Variants in ZNF407 observed in about 807,000 individuals in gnomAD.
ZNF407 encodes the protein zinc finger protein 407.
A neutral mutation model predicts 131.2 loss-of-function variants in ZNF407; 17 were observed. The ratio of observed to expected loss-of-function variants is 0.13; its 90% CI spans 0.09 to 0.19. ZNF407 has a LOEUF of 0.19. Among genes scored for constraint, ZNF407 ranks in the 10% least tolerant of loss-of-function variants. ZNF407 has a pLI of 1.00. For synonymous variants in ZNF407, 1,156 were observed against 1,062.0 expected (o/e 1.09, Z -1.72); for missense variants, 2,681 against 2,830.6 (o/e 0.95, Z 1.20).
At position 74,643,511 on chromosome 18, in the gene ZNF407, A is replaced by G. The variant is rs146053130; in HGVS notation, c.4802+2389A>G. ...GCTCTTCATTATTTGAGTTTTAAGG[A>G]GTTATTTCTCAAATAGTCTTGATTA... On this transcript the variant is annotated intron_variant, in intron 3 of 8. Transcript: ENST00000299687. 2.7e-3 allele frequency among the ~76,000 whole-genome samples: 413 copies of G among 152,052 alleles called. 2 individuals carry two copies. The highest frequency in any genetic ancestry group is 9.3e-3 in the African/African-American group (386 of 41,536).
chr18:74,854,757 A>G (rs570885891), intron 4 of ZNF407, among the ~76,000 whole-genome samples: 14 of 152,234 alleles, frequency 9.2e-5, no homozygotes, highest in African/African-American at 3.1e-4. Flanking sequence ...ATCAAGAATA[A>G]TGACAGAAAC....
intron 8 of ZNF407, among the ~76,000 whole-genome samples, chr18:74,986,055 A>T (rs2920354): frequency 0.031 from 4,682 of 152,310 alleles, 277 homozygotes; most frequent in African/African-American, 0.11. Flanking sequence ...CTGTGTGAAC[A>T]TACAGCATTT....
chr18:74,879,600 T>C lies in ZNF407; in HGVS notation c.5045-1436T>C, dbSNP rs141719919. ...ATTAAATGAGTGATTATAATTAAAC[T>C]TTATTCTTTACAGCCCATCTACTCT... On this transcript the variant is annotated intron_variant, in intron 5 of 8. Coordinates refer to ENST00000299687, the MANE Select transcript of ZNF407 (RefSeq NM_017757.3). 4.8e-3 allele frequency among the ~76,000 whole-genome samples: 736 copies of C among 152,300 alleles called. 7 individuals carry two copies. Among genetic ancestry groups the C allele is most frequent in the African/African-American group, 0.017 (720 of 41,564 alleles).
At chr18:74,667,740 T>C (rs1985987651) in intron 3 of ZNF407, among the ~76,000 whole-genome samples, 1 of 152,154 alleles carries the variant, frequency 6.6e-6, no homozygotes, top group Non-Finnish European at 1.5e-5. Flanking sequence ...TTATGAACTG[T>C]GGTAATAGGC....
At chr18:74,753,720 G>T (rs534968403) in intron 3 of ZNF407, among the ~76,000 whole-genome samples, 1 of 152,304 alleles carries the variant, frequency 6.6e-6, no homozygotes, top group South Asian at 2.1e-4. Flanking sequence ...GATCGTGGTG[G>T]ATAGCTTTTT....
At chr18:74,914,380 G>A (rs989919132) in intron 7 of ZNF407, among the ~76,000 whole-genome samples, 2 of 152,144 alleles carry the variant, frequency 1.3e-5, no homozygotes, top group Non-Finnish European at 2.9e-5. Flanking sequence ...CTGTGTTGAC[G>A]CTGACTTTGC....
chr18:74,859,989 C>CT (rs1338394389), intron 4 of ZNF407, among the ~76,000 whole-genome samples: 2 of 152,162 alleles, frequency 1.3e-5, no homozygotes, highest in Non-Finnish European at 2.9e-5. Flanking sequence ...CCCTTCATGG[C>CT]TACTGCCTAG....
chr18:74,972,768 A>T lies in ZNF407; in HGVS notation c.5428+52076A>T, dbSNP rs985141071. On this transcript the variant is annotated intron_variant, in intron 8 of 8. Transcript: ENST00000299687. ...AGAATAATATAGCCAATCCTGCTTTAAAAAAAATGTATGTTAGTATGGTAT... is the reference window on the plus strand; with the variant it reads ...AGAATAATATAGCCAATCCTGCTTTTAAAAAAATGTATGTTAGTATGGTAT... Among the ~76,000 whole-genome samples the T allele has an allele frequency of 6.4e-5, 7 of 108,992 alleles. No individual in the cohort carries two copies. In the East Asian group the frequency reaches 1.5e-3, roughly 23 times the overall value. The allele number at this position is 108,992 out of a possible 152,430, so 71.5% of individuals were successfully genotyped here.
intron 4 of ZNF407, among the ~76,000 whole-genome samples, chr18:74,843,658 A>C (rs1331779174): frequency 6.6e-6 from 1 of 152,214 alleles, no homozygotes; most frequent in Non-Finnish European, 1.5e-5. Flanking sequence ...GAATGAGATT[A>C]TGCTTGGAGA....
chr18:74,625,073 C>T (rs750250321), intron 1 of ZNF407, among the ~76,000 whole-genome samples: 21 of 152,102 alleles, frequency 1.4e-4, no homozygotes, highest in Admixed American at 2.0e-4. Context: ...ACTACAGTTC[C>T]TTTCATGTGG....
At chr18:74,782,813 G>A (rs1343569489) in intron 4 of ZNF407, among the ~76,000 whole-genome samples, 1 of 152,060 alleles carries the variant, frequency 6.6e-6, no homozygotes. Context: ...TAGAGACGGG[G>A]TTTCACTGTG....
At chr18:74,644,765 T>C (rs999135459) in intron 3 of ZNF407, among the ~76,000 whole-genome samples, 2 of 152,012 alleles carry the variant, frequency 1.3e-5, no homozygotes, top group African/African-American at 4.8e-5. Flanking sequence ...CTTAAATTAT[T>C]TGACTAGTAA....
At chr18:74,915,262 C>T (rs955566401) in intron 7 of ZNF407, among the ~76,000 whole-genome samples, 4 of 151,750 alleles carry the variant, frequency 2.6e-5, no homozygotes, top group African/African-American at 4.8e-5. Flanking sequence ...CCTTAGTTTA[C>T]GTCTTTTTCA....
chr18:74,721,726 A>G (rs994379950), intron 3 of ZNF407, among the ~76,000 whole-genome samples: 1 of 152,172 alleles, frequency 6.6e-6, no homozygotes, highest in South Asian at 2.1e-4. Flanking sequence ...ATTTAATGTA[A>G]TACCACTGGT....
chr18:74,857,826 G>T (rs1046968642), intron 4 of ZNF407, among the ~76,000 whole-genome samples: 4 of 151,822 alleles, frequency 2.6e-5, no homozygotes, highest in African/African-American at 9.7e-5. Flanking sequence ...TGTATCTTAT[G>T]ATATCTCTTT....
intron 3 of ZNF407, among the ~76,000 whole-genome samples, chr18:74,671,692 A>C (rs1266449391): frequency 6.6e-6 from 1 of 152,186 alleles, no homozygotes; most frequent in Admixed American, 6.5e-5. Flanking sequence ...AAGGACATAC[A>C]TGATCTCATT....
In ZNF407 at chr18:74,632,840, G is replaced by A. The variant is rs765248939; in HGVS notation, c.1821G>A (p.Met607Ile). 12 of 1,613,620 alleles carry A rather than the reference G, an allele frequency of 7.4e-6. No homozygotes were observed. Among genetic ancestry groups the A allele is most frequent in the Admixed American group, 1.7e-5 (1 of 60,014 alleles). The change falls in exon 2 of 9, where the codon ATG (methionine) becomes ATA (isoleucine). Residue 607 changes from methionine to isoleucine, a missense_variant. This residue lies in a region of ZNF407 where 1,789 missense variants were observed against 1,748.7 expected (regional missense o/e 1.02). Transcript: ENST00000299687. ...SLDEINLRDH[M>I]KEKHNMHFLC... is the part of the protein sequence containing the mutation. Reference sequence around the variant, plus strand: ...ATGAAATAAATCTTAGAGACCACATGAAGGAAAAGCACAATATGCATTTTC... The same window carrying A: ...ATGAAATAAATCTTAGAGACCACATAAAGGAAAAGCACAATATGCATTTTC...
chr18:74,920,337 G>A (rs1043763053), intron 7 of ZNF407, among the ~76,000 whole-genome samples, 177 bp from the exon 8 acceptor site: 22 of 152,028 alleles, frequency 1.4e-4, no homozygotes, highest in Admixed American at 3.9e-4. Context: ...TCATACCAGG[G>A]TTATAAAAAC....
At chr18:74,956,664 T>A (rs1489660962) in intron 8 of ZNF407, among the ~76,000 whole-genome samples, 1 of 152,064 alleles carries the variant, frequency 6.6e-6, no homozygotes, top group Non-Finnish European at 1.5e-5. Context: ...TAGTCAGGGT[T>A]GGTTTCATGG....
Sources: allele counts gnomAD v4.1 joint callset (sites outside exome capture counted in the v4.1 genomes callset), GRCh38; gene constraint gnomAD v4.1.1; regional missense constraint gnomAD v4.1.1; transcripts MANE v1.5; gene names NCBI Gene and HGNC (gene_info 2026-07-23, HGNC 2026-07-21).